The following WDR7 variants were observed in gnomAD, a reference collection of about 807,000 sequenced individuals.
WDR7 encodes WD repeat domain 7.
Under a neutral mutation model 169.4 loss-of-function variants are expected in WDR7, and 46 were observed. The observed-to-expected ratio is 0.27, with a 90% confidence interval of 0.21 to 0.35. The LOEUF is 0.35. Among genes scored for constraint, WDR7 ranks in the 10% least tolerant of loss-of-function variants. The pLI, the probability that WDR7 is intolerant of heterozygous loss-of-function variation, is 1.00. For synonymous variants in WDR7, 612 were observed against 666.8 expected, an observed-to-expected ratio of 0.92 and a Z score of 1.27; for missense variants, 1,534 against 1,859.3, an observed-to-expected ratio of 0.83 and a Z score of 3.22.
intron 20 of WDR7, among the ~76,000 whole-genome samples, chr18:56,865,459 A>G (rs556394011): frequency 1.3e-5 from 2 of 152,270 alleles, no homozygotes; most frequent in South Asian, 2.1e-4. Context: ...GATATTACAC[A>G]GTAAACTTCA....
At chr18:56,994,568 T>G (rs2047870066) in intron 26 of WDR7, among the ~76,000 whole-genome samples, 1 of 152,230 alleles carries the variant, frequency 6.6e-6, no homozygotes, top group Admixed American at 6.5e-5. Flanking sequence ...TCTCCTAAAG[T>G]TTTCCCTGAA....
At position 56,788,800 on chromosome 18, in the gene WDR7, A is replaced by G. The variant is rs1194924009; in HGVS notation, c.3190+7144A>G. ...CAAAAATATTTGTAATAGTTGTCTT[A>G]TAGTGTTCACAAAGCCAATTGGAAA... On this transcript the variant is annotated intron_variant, in intron 19 of 27. Coordinates refer to ENST00000254442, the MANE Select transcript of WDR7 (RefSeq NM_015285.3). Among the ~76,000 whole-genome samples the G allele has an allele frequency of 2.0e-5, 3 of 152,206 alleles. No individual in the cohort carries two copies. The East Asian group carries it at 5.8e-4, about 29-fold the overall frequency.
intron 21 of WDR7, among the ~76,000 whole-genome samples, chr18:56,911,686 GA>G (rs1188770402): frequency 6.6e-6 from 1 of 152,144 alleles, no homozygotes; most frequent in Non-Finnish European, 1.5e-5. Flanking sequence ...GTGGTTATTA[GA>G]AAAGAGATCA....
intron 2 of WDR7, among the ~76,000 whole-genome samples, chr18:56,674,970 C>T (rs1054929812): frequency 6.6e-6 from 1 of 152,156 alleles, no homozygotes; most frequent in African/African-American, 2.4e-5. Context: ...TAAGAAAAAT[C>T]AATTGACCAT....
Position 56,922,890 on chromosome 18 carries a change from C to T in WDR7, c.3527-1032C>T, listed in dbSNP as rs368008670. On this transcript the variant is annotated intron_variant, in intron 21 of 27. Coordinates refer to ENST00000254442, the MANE Select transcript of WDR7 (RefSeq NM_015285.3). ...GATATGTTGTATTAAAGTTTATATG[C>T]CATTTTCTTCATTTAGAAAAGAGCC... Among the ~76,000 whole-genome samples the T allele has an allele frequency of 2.0e-5, 3 of 151,990 alleles. No individual in the cohort carries two copies. The South Asian group carries it at 6.2e-4, about 32-fold the overall frequency.
chr18:56,924,168 G>A lies in WDR7; in HGVS notation c.3713+60G>A, dbSNP rs916390513. ...TGTTTTTTGTTTTAGGGGTTTTTTT[G>A]GTGGGTTTATTGATCATTCTGTATA... On this transcript the variant is annotated intron_variant, in intron 22 of 27. Transcript: ENST00000254442. The A allele has an allele frequency of 1.6e-5, 26 of 1,586,208 alleles. No individual in the cohort carries two copies. In the African/African-American group the frequency reaches 3.4e-4, roughly 21 times the overall value.
rs144450031 is a variant in WDR7, at chr18:56,738,037, A to G, written c.1989+6440A>G. Among the ~76,000 whole-genome samples, 12 of 152,280 alleles carry G rather than the reference A, an allele frequency of 7.9e-5. No individual in the cohort carries two copies. In the East Asian group the frequency reaches 2.3e-3, roughly 29 times the overall value. Reference sequence around the variant, plus strand: ...TGGGACAAAATTTTAAATTACGCCAATTGTTGTCTAGTCCCTAATAAATAA... The same window carrying G: ...TGGGACAAAATTTTAAATTACGCCAGTTGTTGTCTAGTCCCTAATAAATAA... On this transcript the variant is annotated intron_variant, in intron 14 of 27. Coordinates refer to ENST00000254442, the MANE Select transcript of WDR7 (RefSeq NM_015285.3).
intron 16 of WDR7, among the ~76,000 whole-genome samples, chr18:56,765,471 C>G (rs9956611): frequency 0.066 from 10,063 of 151,890 alleles, 769 homozygotes; most frequent in African/African-American, 0.19. Context: ...CATTCAAGTG[C>G]TATTATACTA....
intron 1 of WDR7, among the ~76,000 whole-genome samples, chr18:56,667,976 C>T (rs552933): frequency 0.92 from 139,717 of 152,158 alleles, 65,309 homozygotes; most frequent in East Asian, 1. Context: ...TTAACAGAGA[C>T]GCCCCAGAAA....
At chr18:56,712,980 C>G (rs1380101668) in intron 12 of WDR7, among the ~76,000 whole-genome samples, 1 of 152,090 alleles carries the variant, frequency 6.6e-6, no homozygotes, top group African/African-American at 2.4e-5. Flanking sequence ...GTGGGTGAGC[C>G]TCAAGTGGGG....
chr18:56,672,005 G>T (rs1385139391), intron 1 of WDR7, among the ~76,000 whole-genome samples: 2 of 152,150 alleles, frequency 1.3e-5, no homozygotes, highest in Non-Finnish European at 2.9e-5. Flanking sequence ...TACAACTTGG[G>T]ATCTGAAGGT....
Position 56,986,944 on chromosome 18 carries a change from G to C in WDR7, c.4164+24415G>C, listed in dbSNP as rs145036997. Among the ~76,000 whole-genome samples, 9 of 152,136 alleles carry C rather than the reference G, an allele frequency of 5.9e-5. No homozygotes were observed. The East Asian group carries it at 1.7e-3, about 29-fold the overall frequency. On this transcript the variant is annotated intron_variant, in intron 26 of 27. Transcript: ENST00000254442. ...GTCCATAGGCTTAGGCAACAGTTCAGTAACCTTTGGGAAAACCACAGGGTG... is the reference window on the plus strand; with the variant it reads ...GTCCATAGGCTTAGGCAACAGTTCACTAACCTTTGGGAAAACCACAGGGTG...
chr18:56,930,853 C>T (rs1201429679), intron 22 of WDR7, among the ~76,000 whole-genome samples: 12 of 152,164 alleles, frequency 7.9e-5, no homozygotes, highest in Admixed American at 6.5e-4. Flanking sequence ...TATTCTCTTA[C>T]ATTATTCCTT....
chr18:56,805,947 C>T (rs975799544), intron 19 of WDR7, among the ~76,000 whole-genome samples: 4 of 152,100 alleles, frequency 2.6e-5, no homozygotes, highest in South Asian at 2.1e-4. Flanking sequence ...TCTGTAGATG[C>T]GCCAGGGACT....
At chr18:56,844,830 T>C (rs1291056169) in intron 20 of WDR7, among the ~76,000 whole-genome samples, 1 of 152,214 alleles carries the variant, frequency 6.6e-6, no homozygotes, top group Non-Finnish European at 1.5e-5. Flanking sequence ...TTTCCTGGTA[T>C]AGTAGTTCCT....
chr18:56,929,891 T>C (rs189239648), intron 22 of WDR7, among the ~76,000 whole-genome samples: 288 of 152,340 alleles, frequency 1.9e-3, no homozygotes, highest in African/African-American at 6.4e-3. Flanking sequence ...GATAACATGA[T>C]AGAAACAGCA....
chr18:56,857,094 G>A (rs114866635), intron 20 of WDR7, among the ~76,000 whole-genome samples: 93 of 152,090 alleles, frequency 6.1e-4, no homozygotes, highest in African/African-American at 2.1e-3. Flanking sequence ...GGCAATATTG[G>A]CCCTAAAATC....
At chr18:56,922,536 C>T (rs970534606) in intron 21 of WDR7, among the ~76,000 whole-genome samples, 3 of 152,126 alleles carry the variant, frequency 2.0e-5, no homozygotes, top group Non-Finnish European at 4.4e-5. Context: ...GTAAAATTTA[C>T]AAATACACAT....
intron 22 of WDR7, among the ~76,000 whole-genome samples, chr18:56,931,327 A>T (rs1281154058): frequency 6.6e-6 from 1 of 152,246 alleles, no homozygotes; most frequent in Admixed American, 6.5e-5. Context: ...AGAATCTCAC[A>T]TTAAAATATA....
Sources: allele counts gnomAD v4.1 joint callset (sites outside exome capture counted in the v4.1 genomes callset), GRCh38; gene constraint gnomAD v4.1.1; transcripts MANE v1.5; gene names NCBI Gene and HGNC (gene_info 2026-07-23, HGNC 2026-07-21).